Variants in CDIP1 observed in about 807,000 individuals in gnomAD.
The protein encoded by CDIP1 is cell death inducing p53 target 1.
CDIP1 carries 9 observed loss-of-function variants against 17.7 expected under a neutral mutation model. The ratio of observed to expected loss-of-function variants is 0.51; its 90% CI spans 0.31 to 0.89. The LOEUF is 0.89. CDIP1 is among the 40% of genes least tolerant of loss of function. The probability of loss-of-function intolerance (pLI) is 0.05; values close to 1 mark genes in which losing one functional copy is unlikely to be tolerated. For missense variants in CDIP1, 263 were observed against 277.9 expected (o/e 0.95, Z 0.38); for synonymous variants, 117 against 109.5 (o/e 1.07, Z -0.43).
intron 1 of CDIP1, among the ~76,000 whole-genome samples, chr16:4,528,610 G>A (rs1280902191): frequency 2.0e-5 from 3 of 149,866 alleles, no homozygotes; most frequent in Non-Finnish European, 4.4e-5. Context: ...CAACCCAGGA[G>A]GTGGAGGCTG....
At position 4,511,744 on chromosome 16, in the gene CDIP1, A is replaced by C. The variant is rs1055065821; in HGVS notation, c.*828T>G. On this transcript the variant is annotated 3_prime_UTR_variant, in exon 6 of 6. Transcript: ENST00000567695. ...CAGCCACCAGGCAGAGGTCATACCC[A>C]CACGCAGTGAGGACACAGGGCAGAC... 7 of 152,614 alleles carry C rather than the reference A, an allele frequency of 4.6e-5. No individual in the cohort carries two copies. The East Asian group carries it at 9.6e-4, about 21-fold the overall frequency. The allele number at this position is 152,614 out of a possible 1,614,324, so 9.5% of individuals were successfully genotyped here. A position where few individuals can be genotyped will look rare whatever the true frequency, so the allele number is the denominator to read the frequency against.
intron 1 of CDIP1, among the ~76,000 whole-genome samples, chr16:4,533,898 G>A (rs1239602734): frequency 3.3e-5 from 5 of 152,168 alleles, no homozygotes; most frequent in Non-Finnish European, 7.3e-5. Flanking sequence ...GTCCATGTGT[G>A]TTGAAGAAAT....
intron 1 of CDIP1, among the ~76,000 whole-genome samples, chr16:4,538,072 C>G (rs954411592): frequency 1.3e-5 from 2 of 152,174 alleles, no homozygotes; most frequent in Non-Finnish European, 2.9e-5. Flanking sequence ...GAAAACAACT[C>G]CCACCCCTCC....
intron 1 of CDIP1, chr16:4,532,879 C>G (rs954393836): frequency 1.4e-4 from 22 of 152,284 alleles, no homozygotes; most frequent in Admixed American, 1.4e-3. Flanking sequence ...CCTGGGGAAT[C>G]TGAGATCTGA....
chr16:4,538,228 G>A (rs1027641135), intron 1 of CDIP1: 1 of 152,180 alleles, frequency 6.6e-6, no homozygotes, highest in African/African-American at 2.4e-5. Context: ...CCACCGCAGC[G>A]GCTTCGACAT....
intron 1 of CDIP1, among the ~76,000 whole-genome samples, chr16:4,519,808 G>A (rs1294901134): frequency 6.6e-6 from 1 of 151,254 alleles, no homozygotes; most frequent in Non-Finnish European, 1.5e-5. Context: ...CCCCTCTCTC[G>A]CCATGTGATC....
At chr16:4,524,424 C>T (rs1418016157) in intron 1 of CDIP1, 1 of 152,336 alleles carries the variant, frequency 6.6e-6, no homozygotes, top group African/African-American at 2.4e-5. Context: ...GAATACAGAA[C>T]TCCACTTTCA....
At chr16:4,528,026 G>C (rs775518905) in intron 1 of CDIP1, among the ~76,000 whole-genome samples, 35 of 152,292 alleles carry the variant, frequency 2.3e-4, no homozygotes, top group Non-Finnish European at 4.4e-4. Context: ...ATGTTGGCCA[G>C]GCTGGTGTCG....
At chr16:4,530,951 A>C (rs1449945970) in intron 1 of CDIP1, among the ~76,000 whole-genome samples, 1 of 152,174 alleles carries the variant, frequency 6.6e-6, no homozygotes, top group Admixed American at 6.6e-5. Flanking sequence ...GAGTTCACTC[A>C]TGCTGGCTGG....
chr16:4,526,624 C>T (rs778067850), intron 1 of CDIP1, among the ~76,000 whole-genome samples: 3 of 151,288 alleles, frequency 2.0e-5, no homozygotes, highest in South Asian at 2.1e-4. Flanking sequence ...GGTGCAAACC[C>T]GGGAGGCGGA....
intron 1 of CDIP1, among the ~76,000 whole-genome samples, chr16:4,526,097 A>G (rs1315759259): frequency 1.3e-5 from 2 of 152,114 alleles, no homozygotes; most frequent in African/African-American, 4.8e-5. Flanking sequence ...GACCATGATG[A>G]GTCTCAGCGG....
At chr16:4,527,684 C>T (rs1199579876) in intron 1 of CDIP1, among the ~76,000 whole-genome samples, 1 of 152,120 alleles carries the variant, frequency 6.6e-6, no homozygotes, top group African/African-American at 2.4e-5. Context: ...GGTAAATGGA[C>T]ATGTGAACAC....
intron 1 of CDIP1, among the ~76,000 whole-genome samples, chr16:4,530,783 G>A (rs547589817): frequency 6.6e-6 from 1 of 152,240 alleles, no homozygotes; most frequent in East Asian, 1.9e-4. Flanking sequence ...CAAAGCTGCA[G>A]TGAACTGAGT....
At chr16:4,536,575 T>G (rs922436156) in intron 1 of CDIP1, 1 of 152,154 alleles carries the variant, frequency 6.6e-6, no homozygotes, top group African/African-American at 2.4e-5. Flanking sequence ...CCTGAAGTAT[T>G]ACTTTACATC....
At chr16:4,536,076 G>A (rs112992669) in intron 1 of CDIP1, among the ~76,000 whole-genome samples, 128 of 152,294 alleles carry the variant, frequency 8.4e-4, no homozygotes, top group African/African-American at 3.0e-3. Flanking sequence ...CTCCCTGCCT[G>A]CCACCTTCTC....
At chr16:4,526,852 G>A (rs1451435008) in intron 1 of CDIP1, among the ~76,000 whole-genome samples, 1 of 152,172 alleles carries the variant, frequency 6.6e-6, no homozygotes, top group Admixed American at 6.5e-5. Flanking sequence ...CAGAGCTGCA[G>A]GGGCAGAATC....
intron 1 of CDIP1, among the ~76,000 whole-genome samples, chr16:4,528,706 A>G (rs2059025601): frequency 1.3e-5 from 2 of 149,612 alleles, no homozygotes. Context: ...AAAAAAAAAA[A>G]GGCTGGCCGC....
chr16:4,514,679 G>A lies in CDIP1; in HGVS notation c.-104-15C>T. On this transcript the variant is annotated splice_polypyrimidine_tract_variant and intron_variant, in intron 1 of 5. Transcript: ENST00000567695. This position sits in a 1 kb window ranked among gnomAD's most constrained non-coding sequence, Gnocchi z 5.2. ...GGCTCCGGGAGCTGTTTCAGGGGAA[G>A]GAAAGGCAGGGCCCTCAGCAGGGAG... 1 of 153,600 alleles carries A rather than the reference G, an allele frequency of 6.5e-6. No individual in the cohort carries two copies. The highest frequency in any genetic ancestry group is 1.4e-5 in the Non-Finnish European group (1 of 69,000). 9.5% of individuals were successfully genotyped at this position (153,600 alleles called of 1,614,324 possible).
chr16:4,535,215 T>C (rs530521985), intron 1 of CDIP1, among the ~76,000 whole-genome samples: 31 of 152,304 alleles, frequency 2.0e-4, no homozygotes, highest in African/African-American at 6.5e-4. Context: ...TTAGCATTGA[T>C]TGAACAATTA....
Sources: gnomAD v4.1 joint callset for allele counts (sites outside exome capture counted in the v4.1 genomes callset) on GRCh38, gnomAD v4.1.1 for gene constraint, Gnocchi (gnomAD v3.1) non-coding constraint, MANE v1.5 for transcripts, NCBI Gene and HGNC (gene_info 2026-07-23, HGNC 2026-07-21) for gene names.